The following KCNS3 variants were observed in gnomAD, a reference collection of about 807,000 sequenced individuals.
KCNS3 encodes the protein potassium voltage-gated channel modifier subfamily S member 3.
In KCNS3, 13 loss-of-function variants were observed where a neutral mutation model predicts 31.0. The observed-to-expected ratio is 0.42, with a 90% CI of 0.27 to 0.67. The LOEUF (loss-of-function observed/expected upper bound fraction) is 0.67. Among genes scored for constraint, KCNS3 ranks in the 30% least tolerant of loss-of-function variants. The pLI is 0.25. For synonymous variants in KCNS3, 238 were observed against 241.5 expected (o/e 0.99, Z 0.13); for missense variants, 545 against 622.4 (o/e 0.88, Z 1.32).
At chr2:17,921,465 A>AT (rs1050253520) in intron 2 of KCNS3, among the ~76,000 whole-genome samples, 6 of 152,112 alleles carry the variant, frequency 3.9e-5, no homozygotes, top group South Asian at 2.1e-4. Flanking sequence ...ATTAACAATG[A>AT]TTTTTTTTAT....
chr2:17,902,168 T>A (rs571818108), intron 1 of KCNS3, among the ~76,000 whole-genome samples: 1 of 152,286 alleles, frequency 6.6e-6, no homozygotes, highest in Admixed American at 6.5e-5. Context: ...CAGATGCAGA[T>A]ATGCAGATTG....
intron 1 of KCNS3, among the ~76,000 whole-genome samples, chr2:17,900,701 G>C (rs1314211209): frequency 6.6e-6 from 1 of 152,018 alleles, no homozygotes; most frequent in Non-Finnish European, 1.5e-5. Context: ...TGTTGGCCAG[G>C]CTGGTTTCGA....
At chr2:17,888,619 TA>T (rs1431224265) in intron 1 of KCNS3, among the ~76,000 whole-genome samples, 5,073 of 59,754 alleles carry the variant, frequency 0.085, 328 homozygotes, top group African/African-American at 0.23. Context: ...TAAAGTATAA[TA>T]AAAAAAATGT....
chr2:17,906,021 G>A (rs562611562), intron 1 of KCNS3, among the ~76,000 whole-genome samples: 1 of 152,324 alleles, frequency 6.6e-6, no homozygotes, highest in South Asian at 2.1e-4. Context: ...GATTGGAATA[G>A]TTTCAGAAGG....
chr2:17,914,901 A>G (rs946614237), intron 1 of KCNS3, among the ~76,000 whole-genome samples: 5 of 152,168 alleles, frequency 3.3e-5, no homozygotes, highest in South Asian at 4.1e-4. Context: ...CCTTACTCCT[A>G]TGATTCTGAG....
chr2:17,931,987 C>T lies in KCNS3; in HGVS notation c.979C>T (p.Leu327=). The T allele has an allele frequency of 6.2e-7, 1 of 1,614,100 alleles. No homozygotes were observed. The highest frequency in any genetic ancestry group is 8.5e-7 in the Non-Finnish European group (1 of 1,180,014). Residue 327 remains leucine, a synonymous_variant, in exon 3 of 3, where the codon CTG becomes TTG. Transcript: ENST00000304101. This position sits in a 1 kb window ranked among gnomAD's most constrained non-coding sequence, Gnocchi z 5.4. ...ACACAGCTACCATGAAGTTGGGCTT[C>T]TGCTTCTCTTCCTCTCTGTGGGCAT... is the stretch of plus-strand genomic sequence containing the variant. ...LRHSYHEVGL[L]LLFLSVGISI...
At chr2:17,900,138 G>A (rs956560445) in intron 1 of KCNS3, among the ~76,000 whole-genome samples, 3 of 152,118 alleles carry the variant, frequency 2.0e-5, no homozygotes, top group Non-Finnish European at 4.4e-5. Flanking sequence ...TCTCTGCATT[G>A]ATCTTGGGAT....
chr2:17,911,889 A>G (rs1187675829), intron 1 of KCNS3, among the ~76,000 whole-genome samples: 2 of 152,234 alleles, frequency 1.3e-5, no homozygotes, highest in African/African-American at 4.8e-5. Context: ...TGCAAAACGA[A>G]TGCAATAAAA....
At chr2:17,898,263 C>G (rs1350043979) in intron 1 of KCNS3, among the ~76,000 whole-genome samples, 3 of 92,232 alleles carry the variant, frequency 3.3e-5, no homozygotes, top group African/African-American at 1.2e-4. Flanking sequence ...TTTTTTTTTG[C>G]TTAAGATTGC....
At chr2:17,884,268 A>AAAATATATATATAT (rs1459540269) in intron 1 of KCNS3, among the ~76,000 whole-genome samples, 4 of 46,692 alleles carry the variant, frequency 8.6e-5, no homozygotes, top group Admixed American at 2.9e-4. Context: ...AAAAAAAAAA[A>AAAATATATATATAT]ATATATATAT....
chr2:17,925,277 C>T (rs1178019599), intron 2 of KCNS3, among the ~76,000 whole-genome samples: 3 of 152,132 alleles, frequency 2.0e-5, no homozygotes, highest in Non-Finnish European at 2.9e-5. Flanking sequence ...CAACATGAAC[C>T]TTAGGACTGA....
intron 2 of KCNS3, among the ~76,000 whole-genome samples, chr2:17,924,534 T>G (rs1407090310): frequency 6.6e-6 from 1 of 152,196 alleles, no homozygotes; most frequent in Non-Finnish European, 1.5e-5. Context: ...TTCTGTTCTA[T>G]TCTTAGTTTT....
At chr2:17,910,693 G>C (rs1662451488) in intron 1 of KCNS3, among the ~76,000 whole-genome samples, 1 of 151,530 alleles carries the variant, frequency 6.6e-6, no homozygotes, top group African/African-American at 2.4e-5. Context: ...TATAGTCTCT[G>C]ATTGGTTCCT....
chr2:17,892,506 G>A (rs542541686), intron 1 of KCNS3, among the ~76,000 whole-genome samples: 2 of 152,174 alleles, frequency 1.3e-5, no homozygotes, highest in African/African-American at 4.8e-5. Context: ...GTGTTGAAGA[G>A]CCTTGTTTTG....
In KCNS3 at chr2:17,931,023, GT is replaced by G. The variant is rs1311807653; in HGVS notation, c.20del (p.Phe7SerfsTer13). The G allele has an allele frequency of 1.2e-6, 2 of 1,613,552 alleles. No homozygotes were observed. On this transcript the variant is annotated frameshift_variant, in exon 3 of 3. Transcript: ENST00000304101. LOFTEE classifies it high-confidence loss of function. The surrounding 1 kb of genome is among the most constrained non-coding windows in gnomAD (Gnocchi z 5.4). ...CTGTATCCACCATGGTGTTTGGTGAGTTTTTCCATCGCCCTGGACAAGACGA... is the reference window on the plus strand; with the variant it reads ...CTGTATCCACCATGGTGTTTGGTGAGTTTTCCATCGCCCTGGACAAGACGA... The part of the protein sequence containing the change: MVFGE[F>X]FHRPGQDEEL...
chr2:17,877,964 C>T (rs1422373490), upstream of KCNS3: 5 of 152,248 alleles, frequency 3.3e-5, no homozygotes, highest in Admixed American at 2.0e-4. Flanking sequence ...ATTCGTCCTT[C>T]CGAAAGGGGA....
At chr2:17,909,996 CT>C (rs1020253676) in intron 1 of KCNS3, among the ~76,000 whole-genome samples, 13 of 152,176 alleles carry the variant, frequency 8.5e-5, no homozygotes, top group African/African-American at 3.1e-4. Flanking sequence ...TTAATCCTTC[CT>C]TTTGCCATGA....
At chr2:17,902,064 TA>T (rs1166796242) in intron 1 of KCNS3, among the ~76,000 whole-genome samples, 7 of 152,238 alleles carry the variant, frequency 4.6e-5, no homozygotes, top group Non-Finnish European at 7.4e-5. Flanking sequence ...CACAGAAAAC[TA>T]AACATGAGTA....
intron 2 of KCNS3, among the ~76,000 whole-genome samples, chr2:17,921,901 ATGTGTGTGTGTG>A (rs370610132): frequency 1.3e-5 from 1 of 74,132 alleles, no homozygotes; most frequent in South Asian, 5.8e-4. Context: ...TTTCATATAT[ATGTGTGTGTGTG>A]TGTATATATA....
Sources: allele counts gnomAD v4.1 joint callset (sites outside exome capture counted in the v4.1 genomes callset), GRCh38; gene constraint gnomAD v4.1.1; non-coding constraint Gnocchi (gnomAD v3.1); transcripts MANE v1.5; gene names NCBI Gene and HGNC (gene_info 2026-07-23, HGNC 2026-07-21).